The following PTPRD variants were observed in gnomAD, a reference collection of about 807,000 sequenced individuals.
The protein encoded by PTPRD is receptor-type tyrosine-protein phosphatase delta.
A neutral mutation model predicts 214.5 loss-of-function variants in PTPRD; 34 were observed. The ratio of observed to expected loss-of-function variants is 0.16; its 90% CI spans 0.12 to 0.21. The LOEUF is 0.21. Among genes scored for constraint, PTPRD ranks in the 10% least tolerant of loss-of-function variants. The probability of loss-of-function intolerance (pLI) is 1.00; values close to 1 mark genes in which losing one functional copy is unlikely to be tolerated. For missense variants in PTPRD, 2,545 were observed against 2,398.7 expected, an observed-to-expected ratio of 1.06 and a Z score of -1.27; for synonymous variants, 1,128 against 845.7, an observed-to-expected ratio of 1.33 and a Z score of -5.79.
At chr9:10,454,258 G>T (rs1265612622) in intron 2 of PTPRD, among the ~76,000 whole-genome samples, 1 of 151,150 alleles carries the variant, frequency 6.6e-6, no homozygotes, top group Non-Finnish European at 1.5e-5. Context: ...CTGAACATTT[G>T]CCATCTGTTC....
intron 6 of PTPRD, among the ~76,000 whole-genome samples, chr9:9,743,283 G>T (rs1407840624): frequency 6.6e-6 from 1 of 152,150 alleles, no homozygotes; most frequent in Admixed American, 6.6e-5. Context: ...ATGAGTCCAA[G>T]AGGGCTGGAA....
chr9:8,572,861 T>C (rs2091515678), intron 14 of PTPRD, among the ~76,000 whole-genome samples: 1 of 152,192 alleles, frequency 6.6e-6, no homozygotes, highest in South Asian at 2.1e-4. Context: ...CATGATTCTA[T>C]TTTCACATAT....
chr9:8,950,850 G>C (rs1349700221), intron 11 of PTPRD, among the ~76,000 whole-genome samples: 2 of 151,636 alleles, frequency 1.3e-5, no homozygotes, highest in Non-Finnish European at 2.9e-5. Context: ...CTAGAACCTG[G>C]GTCTACCTAC....
chr9:10,571,121 T>C (rs917751753), intron 2 of PTPRD, among the ~76,000 whole-genome samples: 4 of 152,202 alleles, frequency 2.6e-5, no homozygotes, highest in African/African-American at 7.2e-5. Context: ...ACATGCAGCA[T>C]ATTTTGTTTT....
intron 3 of PTPRD, among the ~76,000 whole-genome samples, chr9:10,162,488 A>C (rs1040023462): frequency 7.3e-5 from 11 of 150,938 alleles, no homozygotes; most frequent in Admixed American, 6.0e-4. Flanking sequence ...GTGGGAGCTA[A>C]AAAAGGAGAT....
chr9:9,125,499 G>C (rs1449369639), intron 10 of PTPRD, among the ~76,000 whole-genome samples: 1 of 152,156 alleles, frequency 6.6e-6, no homozygotes, highest in Admixed American at 6.6e-5. Context: ...GCAATTGTCT[G>C]AGAAAAGCAG....
chr9:9,134,729 GT>G (rs2099848222), intron 10 of PTPRD, among the ~76,000 whole-genome samples: 1 of 152,056 alleles, frequency 6.6e-6, no homozygotes, highest in Non-Finnish European at 1.5e-5. Flanking sequence ...CTTGCTGTGT[GT>G]TTTACTTTCT....
chr9:8,885,108 G>C (rs1170351147), intron 11 of PTPRD, among the ~76,000 whole-genome samples: 2 of 152,190 alleles, frequency 1.3e-5, no homozygotes, highest in Non-Finnish European at 2.9e-5. Context: ...TGTGCTCTGA[G>C]AGGAAACAGA....
chr9:8,638,418 A>G (rs2154330860), intron 12 of PTPRD, among the ~76,000 whole-genome samples: 1 of 152,276 alleles, frequency 6.6e-6, no homozygotes, highest in South Asian at 2.1e-4. Context: ...CCACCAATAC[A>G]TATATGGATA....
At chr9:8,922,813 A>ATT (rs560268362) in intron 11 of PTPRD, among the ~76,000 whole-genome samples, 314 of 139,706 alleles carry the variant, frequency 2.2e-3, no homozygotes, top group African/African-American at 7.8e-3. Flanking sequence ...CGCCCGGCTA[A>ATT]TTTTTTTTTT....
chr9:8,728,868 TAC>T (rs2098621041), intron 12 of PTPRD, among the ~76,000 whole-genome samples: 1 of 151,970 alleles, frequency 6.6e-6, no homozygotes, highest in African/African-American at 2.4e-5. Context: ...TAATCCCAGC[TAC>T]TCGGGAGGCT....
chr9:10,149,546 C>T (rs2099046365), intron 3 of PTPRD, among the ~76,000 whole-genome samples: 1 of 152,098 alleles, frequency 6.6e-6, no homozygotes, highest in African/African-American at 2.4e-5. Context: ...ACCTGGTGTA[C>T]ACCACTTACT....
intron 12 of PTPRD, chr9:8,701,424 C>G (rs1351646283): frequency 6.6e-6 from 1 of 152,120 alleles, no homozygotes; most frequent in African/African-American, 2.4e-5. Context: ...CACTTGAGGT[C>G]GGGAGCTCGA....
At chr9:8,533,507 T>C (rs972680786) in intron 14 of PTPRD, among the ~76,000 whole-genome samples, 2 of 152,010 alleles carry the variant, frequency 1.3e-5, no homozygotes, top group Non-Finnish European at 2.9e-5. Flanking sequence ...TTAGATATTA[T>C]TGACAATACA....
intron 11 of PTPRD, among the ~76,000 whole-genome samples, chr9:8,994,526 G>T (rs372597384): frequency 6.6e-6 from 1 of 152,176 alleles, no homozygotes; most frequent in South Asian, 2.1e-4. Context: ...ATAAATTTGA[G>T]AATATGAAAT....
At chr9:9,403,776 G>A (rs1345486367) in intron 8 of PTPRD, among the ~76,000 whole-genome samples, 2 of 152,048 alleles carry the variant, frequency 1.3e-5, no homozygotes, top group Non-Finnish European at 2.9e-5. Flanking sequence ...TGGGGATATA[G>A]TGGTAACCAT....
At chr9:10,147,081 A>C (rs1446785816) in intron 3 of PTPRD, among the ~76,000 whole-genome samples, 1 of 152,132 alleles carries the variant, frequency 6.6e-6, no homozygotes, top group Admixed American at 6.6e-5. Flanking sequence ...TAAAGGAGCA[A>C]ACTAAACCAG....
chr9:10,467,283 C>A (rs16926057), intron 2 of PTPRD, among the ~76,000 whole-genome samples: 6,580 of 152,264 alleles, frequency 0.043, 426 homozygotes, highest in African/African-American at 0.14. Flanking sequence ...TGTCAATATA[C>A]TGTGTTGTTT....
intron 9 of PTPRD, among the ~76,000 whole-genome samples, chr9:9,387,532 T>C (rs189184061): frequency 6.6e-6 from 1 of 152,288 alleles, no homozygotes; most frequent in East Asian, 1.9e-4. Context: ...AATATAGGAT[T>C]CTTGGCTGAA....
Sources: allele counts gnomAD v4.1 joint callset (sites outside exome capture counted in the v4.1 genomes callset), GRCh38; gene constraint gnomAD v4.1.1; transcripts MANE v1.5; gene names NCBI Gene and HGNC (gene_info 2026-07-23, HGNC 2026-07-21).